The following SPRYD4 variants were observed in gnomAD, a reference collection of about 807,000 sequenced individuals.
SPRYD4 encodes the protein SPRY domain containing 4, also known as SPRY domain-containing protein 4.
A neutral mutation model predicts 16.6 loss-of-function variants in SPRYD4; 12 were observed. The ratio of observed to expected loss-of-function variants is 0.72; its 90% CI spans 0.46 to 1.17. SPRYD4 has a LOEUF of 1.17. Ranked by LOEUF, SPRYD4 falls within the 50% of genes most tolerant of loss-of-function variation. The pLI is 0.00. For synonymous variants in SPRYD4, 98 were observed against 105.4 expected (o/e 0.93, Z 0.43); for missense variants, 260 against 260.2 (o/e 1.00, Z 0.00).
chr12:56,473,012 C>T lies in SPRYD4; in HGVS notation c.*3435C>T, dbSNP rs1248529032. 1.7e-6 allele frequency: 1 copy of T among 595,720 alleles called. No homozygotes were observed. Among genetic ancestry groups the T allele is most frequent in the Non-Finnish European group, 2.9e-6 (1 of 344,954 alleles). 36.9% of individuals were successfully genotyped at this position (595,720 alleles called of 1,614,324 possible). A position where few individuals can be genotyped will look rare whatever the true frequency, so the allele number is the denominator to read the frequency against. ...TCAAGCGATTCTCCTGCCTCAGCCT[C>T]CCAAGTAGCTGGGACCACAGGCGCG... On this transcript the variant is annotated 3_prime_UTR_variant, in exon 2 of 2. Coordinates refer to ENST00000338146, the MANE Select transcript of SPRYD4 (RefSeq NM_207344.4).
rs1315227261 is a variant in SPRYD4, at chr12:56,472,622, C to T, written c.*3045C>T. 13 of 1,396,824 alleles carry T rather than the reference C, an allele frequency of 9.3e-6. No individual in the cohort carries two copies. Among genetic ancestry groups the T allele is most frequent in the East Asian group, 4.6e-5 (2 of 43,530 alleles). 86.5% of individuals were successfully genotyped at this position (1,396,824 alleles called of 1,614,324 possible). ...GCTGAAGCACTTAACTATTTTGTTA[C>T]GCTGCCTCCTAGTAAAATCTCTGAC... On this transcript the variant is annotated 3_prime_UTR_variant, in exon 2 of 2. Coordinates refer to ENST00000338146, the MANE Select transcript of SPRYD4 (RefSeq NM_207344.4).
rs373727985 is a variant in SPRYD4 at position 56,471,156 on chromosome 12, C to G, written c.*1579C>G. ...CTAGAGTCCCTCCACCAGAGTATCT[C>G]TCTCATGATGGTTTCTTCAGGGAGA... is the stretch of plus-strand genomic sequence containing the variant. On this transcript the variant is annotated 3_prime_UTR_variant, in exon 2 of 2. Transcript: ENST00000338146. 2 of 423,898 alleles carry G rather than the reference C, an allele frequency of 4.7e-6. No individual in the cohort carries two copies. Among genetic ancestry groups the G allele is most frequent in the African/African-American group, 2.0e-5 (1 of 49,378 alleles). The allele number at this position is 423,898 out of a possible 1,614,324, so 26.3% of individuals were successfully genotyped here. A position where few individuals can be genotyped will look rare whatever the true frequency, so the allele number is the denominator to read the frequency against.
At position 56,474,778 on chromosome 12, in the gene SPRYD4, G is replaced by A; in HGVS notation, c.*5201G>A. On this transcript the variant is annotated 3_prime_UTR_variant, in exon 2 of 2. Transcript: ENST00000338146. ...GTGAACCTGCACATGGGACCCTCGG[G>A]TGTAGGGAAAGGGCAAGGGCAAGGA... is the stretch of plus-strand genomic sequence containing the variant. 1 of 1,612,868 alleles carries A rather than the reference G, an allele frequency of 6.2e-7. No homozygotes were observed. Among genetic ancestry groups the A allele is most frequent in the Non-Finnish European group, 8.5e-7 (1 of 1,179,114 alleles).
Position 56,473,411 on chromosome 12 carries a change from A to C in SPRYD4, c.*3834A>C. On this transcript the variant is annotated 3_prime_UTR_variant, in exon 2 of 2. Transcript: ENST00000338146. ...TTATTATAGTAAAAGTGGTACCATTAAACAAATTTATTGCTTCAAAAATAG... is the reference window on the plus strand; with the variant it reads ...TTATTATAGTAAAAGTGGTACCATTCAACAAATTTATTGCTTCAAAAATAG... 1 of 1,603,376 alleles carries C rather than the reference A, an allele frequency of 6.2e-7. No individual in the cohort carries two copies. Among genetic ancestry groups the C allele is most frequent in the South Asian group, 1.1e-5 (1 of 89,806 alleles).
Position 56,476,058 on chromosome 12 carries a change from C to G in SPRYD4, c.*6481C>G. 4.3e-6 allele frequency: 6 copies of G among 1,384,134 alleles called. No individual in the cohort carries two copies. The highest frequency in any genetic ancestry group is 6.1e-6 in the Non-Finnish European group (6 of 984,132). 85.7% of individuals were successfully genotyped at this position (1,384,134 alleles called of 1,614,324 possible). Reference sequence around the variant, plus strand: ...AGGGTCAGAAGGATCTAGTGGAGTTCTAGTGTTAGTCTGGTCCTGCTGCTG... The same window carrying G: ...AGGGTCAGAAGGATCTAGTGGAGTTGTAGTGTTAGTCTGGTCCTGCTGCTG... On this transcript the variant is annotated 3_prime_UTR_variant, in exon 2 of 2. Coordinates refer to ENST00000338146, the MANE Select transcript of SPRYD4 (RefSeq NM_207344.4).
Position 56,478,077 on chromosome 12 carries a change from T to C in SPRYD4, c.*8500T>C. ...CAGGACTGCAGGCAGAAGGGGATCT[T>C]TGTGTGGCCCACAGAGTGCCTGGAG... On this transcript the variant is annotated 3_prime_UTR_variant, in exon 2 of 2. Transcript: ENST00000338146. 1 of 1,614,118 alleles carries C rather than the reference T, an allele frequency of 6.2e-7. No individual in the cohort carries two copies. Among genetic ancestry groups the C allele is most frequent in the Non-Finnish European group, 8.5e-7 (1 of 1,179,982 alleles).
In SPRYD4 at chr12:56,476,590, AT is replaced by A. The variant is rs761969192; in HGVS notation, c.*7034del. On this transcript the variant is annotated 3_prime_UTR_variant, in exon 2 of 2. Transcript: ENST00000338146. ...GCAACATAGGAGAGACCCTGCCTCA[AT>A]TTTTTTTTTTTTTTTTTTTTGAGAT... 364 of 125,956 alleles carry A rather than the reference AT, an allele frequency of 2.9e-3. 1 individual carries two copies. The highest frequency in any genetic ancestry group is 5.6e-3 in the African/African-American group (186 of 33,098). 7.8% of individuals were successfully genotyped at this position (125,956 alleles called of 1,614,324 possible).
chr12:56,468,758 C>A, intron 1 of SPRYD4, 82 bp downstream of exon 1: 1 of 1,447,280 alleles, frequency 6.9e-7, no homozygotes, highest in Non-Finnish European at 9.7e-7. Flanking sequence ...GAAGCAACTC[C>A]AACCCTCTCG....
chr12:56,471,462 A>C lies in SPRYD4; in HGVS notation c.*1885A>C. On this transcript the variant is annotated 3_prime_UTR_variant, in exon 2 of 2. Transcript: ENST00000338146. Reference sequence around the variant, plus strand: ...TGTGGCCAGCTCATGCTTTTTCTTGAGCAGGGGCTGTCCATGACCTGTGCT... The same window carrying C: ...TGTGGCCAGCTCATGCTTTTTCTTGCGCAGGGGCTGTCCATGACCTGTGCT... The C allele has an allele frequency of 1.3e-6, 2 of 1,591,052 alleles. No homozygotes were observed. The highest frequency in any genetic ancestry group is 1.7e-6 in the Non-Finnish European group (2 of 1,169,206).
rs1222904489 is a variant in SPRYD4 at position 56,471,138 on chromosome 12, C to T, written c.*1561C>T. 2 of 411,794 alleles carry T rather than the reference C, an allele frequency of 4.9e-6. No individual in the cohort carries two copies. Among genetic ancestry groups the T allele is most frequent in the Non-Finnish European group, 4.3e-6 (1 of 234,196 alleles). The allele number at this position is 411,794 out of a possible 1,614,324, so 25.5% of individuals were successfully genotyped here. A position where few individuals can be genotyped will look rare whatever the true frequency, so the allele number is the denominator to read the frequency against. On this transcript the variant is annotated 3_prime_UTR_variant, in exon 2 of 2. Transcript: ENST00000338146. ...TGTACATGTGCATGGTAGCTAGAGTCCCTCCACCAGAGTATCTCTCTCATG... is the reference window on the plus strand; with the variant it reads ...TGTACATGTGCATGGTAGCTAGAGTTCCTCCACCAGAGTATCTCTCTCATG...
rs1178324056 is a variant in SPRYD4 at position 56,475,991 on chromosome 12, G to A, written c.*6414G>A. The stretch of plus-strand genomic sequence containing the variant: ...GTTACAGTCCATCTGCAGAGAAAGA[G>A]AGAGATGTCAGCATTCTAAGTGTAG... On this transcript the variant is annotated 3_prime_UTR_variant, in exon 2 of 2. Transcript: ENST00000338146. 2 of 1,612,162 alleles carry A rather than the reference G, an allele frequency of 1.2e-6. No homozygotes were observed. Among genetic ancestry groups the A allele is most frequent in the Admixed American group, 1.7e-5 (1 of 60,010 alleles).
rs1869497863 is a variant in SPRYD4, at chr12:56,473,482, CT to C, written c.*3906del. 1.9e-6 allele frequency: 3 copies of C among 1,613,800 alleles called. No individual in the cohort carries two copies. The highest frequency in any genetic ancestry group is 2.7e-5 in the African/African-American group (2 of 74,928). On this transcript the variant is annotated 3_prime_UTR_variant, in exon 2 of 2. Transcript: ENST00000338146. ...TCTCACCTGGCAGAAGCTGGTCCCCCTATGGCTGTTCCCCAGCTTGTCCAAT... is the reference window on the plus strand; with the variant it reads ...TCTCACCTGGCAGAAGCTGGTCCCCCATGGCTGTTCCCCAGCTTGTCCAAT...
At position 56,478,575 on chromosome 12, in the gene SPRYD4, G is replaced by A. The variant is rs546551551; in HGVS notation, c.*8998G>A. 3 of 340,350 alleles carry A rather than the reference G, an allele frequency of 8.8e-6. No homozygotes were observed. Among genetic ancestry groups the A allele is most frequent in the East Asian group, 6.3e-5 (1 of 15,946 alleles). The allele number at this position is 340,350 out of a possible 1,614,324, so 21.1% of individuals were successfully genotyped here. ...ATAAATCCCTTTGAAGGCTCTATTC[G>A]ATCTTGATTCCCTCACCTGCTCTAG... On this transcript the variant is annotated 3_prime_UTR_variant, in exon 2 of 2. Transcript: ENST00000338146.
Position 56,473,571 on chromosome 12 carries a change from A to T in SPRYD4, c.*3994A>T, listed in dbSNP as rs1343772662. The stretch of plus-strand genomic sequence containing the variant: ...CCACCAGGAGGATGGCTCCTGATAC[A>T]GCTGACTTGGCTGGCAGGCCCACCT... On this transcript the variant is annotated 3_prime_UTR_variant, in exon 2 of 2. Transcript: ENST00000338146. The T allele has an allele frequency of 6.2e-7, 1 of 1,611,818 alleles. No homozygotes were observed. Among genetic ancestry groups the T allele is most frequent in the East Asian group, 2.2e-5 (1 of 44,856 alleles).
Position 56,475,881 on chromosome 12 carries a change from C to T in SPRYD4, c.*6304C>T. On this transcript the variant is annotated 3_prime_UTR_variant, in exon 2 of 2. Coordinates refer to ENST00000338146, the MANE Select transcript of SPRYD4 (RefSeq NM_207344.4). ...TAGTGGGGTTAGAGAGCCACTGGGG[C>T]AGCTGGAGAGGACAGCATGCCATGG... 1 of 1,568,400 alleles carries T rather than the reference C, an allele frequency of 6.4e-7. No homozygotes were observed. Among genetic ancestry groups the T allele is most frequent in the Non-Finnish European group, 8.8e-7 (1 of 1,138,990 alleles).
chr12:56,468,842 G>A, intron 1 of SPRYD4, 166 bp downstream of exon 1: 2 of 1,028,268 alleles, frequency 1.9e-6, no homozygotes, highest in South Asian at 1.7e-5. Flanking sequence ...TTTAAATTCC[G>A]GGACTTACTC....
chr12:56,474,579 C>G lies in SPRYD4; in HGVS notation c.*5002C>G. ...AACTGGCCAGAGAAGTCATACATGC[C>G]GCAGGAATGCATGAGGCTGAGGGTG... On this transcript the variant is annotated 3_prime_UTR_variant, in exon 2 of 2. Coordinates refer to ENST00000338146, the MANE Select transcript of SPRYD4 (RefSeq NM_207344.4). The G allele has an allele frequency of 6.2e-7, 1 of 1,614,128 alleles. No individual in the cohort carries two copies. Among genetic ancestry groups the G allele is most frequent in the South Asian group, 1.1e-5 (1 of 91,086 alleles).
chr12:56,473,629 G>A lies in SPRYD4; in HGVS notation c.*4052G>A, dbSNP rs189369144. 298 of 1,582,714 alleles carry A rather than the reference G, an allele frequency of 1.9e-4. 2 individuals are homozygous for A. The East Asian group carries it at 6.7e-3, about 36-fold the overall frequency. On this transcript the variant is annotated 3_prime_UTR_variant, in exon 2 of 2. Coordinates refer to ENST00000338146, the MANE Select transcript of SPRYD4 (RefSeq NM_207344.4). The stretch of plus-strand genomic sequence containing the variant: ...AGAACTGAAGCTGAGGATAAAGTGG[G>A]TGTGCCCCAAATCAGAAAATAAACA...
chr12:56,471,198 G>C lies in SPRYD4; in HGVS notation c.*1621G>C, dbSNP rs1869229407. ...TCAGGGAGAGGAAGAGGAGACCTGG[G>C]TGAAGAGCTGGGATGGTTTTGAGTG... On this transcript the variant is annotated 3_prime_UTR_variant, in exon 2 of 2. Coordinates refer to ENST00000338146, the MANE Select transcript of SPRYD4 (RefSeq NM_207344.4). 1 of 435,330 alleles carries C rather than the reference G, an allele frequency of 2.3e-6. No individual in the cohort carries two copies. The highest frequency in any genetic ancestry group is 8.3e-5 in the South Asian group (1 of 12,034). The allele number at this position is 435,330 out of a possible 1,614,324, so 27.0% of individuals were successfully genotyped here.
Sources: allele counts gnomAD v4.1 joint callset, GRCh38; gene constraint gnomAD v4.1.1; transcripts MANE v1.5; gene names NCBI Gene and HGNC (gene_info 2026-07-23, HGNC 2026-07-21).